Variants in RNF213 observed in about 807,000 individuals in gnomAD.
The protein encoded by RNF213 is ring finger protein 213.
RNF213 carries 341 observed loss-of-function variants against 514.4 expected under a neutral mutation model. The ratio of observed to expected loss-of-function variants is 0.66; its 90% CI spans 0.61 to 0.73. RNF213 has a LOEUF of 0.73. Among genes scored for constraint, RNF213 ranks in the 30% least tolerant of loss-of-function variants. The pLI, the probability that RNF213 is intolerant of heterozygous loss-of-function variation, is 0.00. For synonymous variants in RNF213, 2,655 were observed against 2,658.2 expected, an observed-to-expected ratio of 1.00 and a Z score of 0.04; for missense variants, 5,767 against 6,615.6, an observed-to-expected ratio of 0.87 and a Z score of 4.45.
intron 11 of RNF213, among the ~76,000 whole-genome samples, chr17:80,299,534 G>GTTTATTTATTTATTTA (rs149502065): frequency 4.0e-5 from 6 of 149,976 alleles, no homozygotes; most frequent in African/African-American, 7.4e-5. Context: ...ACCAGAGAAA[G>GTTTATTTATTTATTTA]TTTATTTATT....
chr17:80,367,098 C>A (rs945006466), intron 42 of RNF213, among the ~76,000 whole-genome samples: 1 of 151,074 alleles, frequency 6.6e-6, no homozygotes, highest in Non-Finnish European at 1.5e-5. Flanking sequence ...TCAGTGGGTA[C>A]AGGAGTGATC....
chr17:80,302,737 G>A (rs1268074443), intron 11 of RNF213, among the ~76,000 whole-genome samples: 1 of 152,134 alleles, frequency 6.6e-6, no homozygotes, highest in African/African-American at 2.4e-5. Context: ...GGGTGTACCT[G>A]CAGTCCCAGC....
chr17:80,286,290 G>A (rs2044469735), intron 3 of RNF213, among the ~76,000 whole-genome samples: 1 of 151,890 alleles, frequency 6.6e-6, no homozygotes, highest in African/African-American at 2.4e-5. Context: ...GGGTCGGGGG[G>A]TGGGGGCGCC....
At chr17:80,312,752 C>G (rs1325251069) in intron 14 of RNF213, among the ~76,000 whole-genome samples, 1 of 152,170 alleles carries the variant, frequency 6.6e-6, no homozygotes, top group Non-Finnish European at 1.5e-5. Flanking sequence ...GCTGCCTGGG[C>G]TTTCGGGGGA....
intron 15 of RNF213, 75 bp downstream of exon 15, chr17:80,313,242 A>T: frequency 6.3e-7 from 1 of 1,587,690 alleles, no homozygotes; most frequent in Non-Finnish European, 8.6e-7. Context: ...ATCATGGGGT[A>T]CAGGCTGCTG....
Position 80,383,894 on chromosome 17 carries a change from A to G in RNF213, c.14288A>G (p.Glu4763Gly). The part of the protein sequence containing the change: ...QHIVEQKNGK[E>G]RVPILWHFLQ... The stretch of plus-strand genomic sequence containing the variant: ...ATTGTGGAACAGAAAAATGGCAAAG[A>G]AAGAGTGCCCATCCTCTGGCATTTC... The change falls in exon 59 of 68, where the codon GAA becomes GGA. Residue 4763 changes from glutamate (E) to glycine (G), a missense_variant. By Grantham distance (98) the Glu-to-Gly change is moderately conservative (BLOSUM62 -2). Coordinates refer to ENST00000582970, the MANE Select transcript of RNF213 (RefSeq NM_001256071.3). The G allele has an allele frequency of 6.2e-7, 1 of 1,614,196 alleles. No individual in the cohort carries two copies. Among genetic ancestry groups the G allele is most frequent in the Non-Finnish European group, 8.5e-7 (1 of 1,180,036 alleles).
chr17:80,377,669 C>A lies in RNF213; in HGVS notation c.13511-93C>A. 1 of 1,394,962 alleles carries A rather than the reference C, an allele frequency of 7.2e-7. No individual in the cohort carries two copies. Among genetic ancestry groups the A allele is most frequent in the South Asian group, 1.2e-5 (1 of 86,504 alleles). The allele number at this position is 1,394,962 out of a possible 1,614,324, so 86.4% of individuals were successfully genotyped here. A position where few individuals can be genotyped will look rare whatever the true frequency, so the allele number is the denominator to read the frequency against. On this transcript the variant is annotated intron_variant, in intron 53 of 67. Coordinates refer to ENST00000582970, the MANE Select transcript of RNF213 (RefSeq NM_001256071.3). The surrounding 1 kb of genome is among the most constrained non-coding windows in gnomAD (Gnocchi z 4.1). ...TGGACAGTCATTCTCATATTGTGGT[C>A]AGGGCCAGAGAGTAGAGAGTTAGCT...
chr17:80,269,405 ATCTATCCATCCATCCATCCATTCATCTAT>A (rs1025763805), intron 2 of RNF213, among the ~76,000 whole-genome samples: 6 of 146,136 alleles, frequency 4.1e-5, no homozygotes, highest in African/African-American at 1.5e-4. Flanking sequence ...CTGTCCTATC[ATCTATCCATCCATCCATCCATTCATCTAT>A]TCTATCTATC....
chr17:80,270,053 G>T (rs2043766811), intron 2 of RNF213, among the ~76,000 whole-genome samples: 1 of 152,218 alleles, frequency 6.6e-6, no homozygotes, highest in Non-Finnish European at 1.5e-5. Context: ...ATTCCCCAGA[G>T]CAACACTGTA....
chr17:80,345,483 T>TC lies in RNF213; in HGVS notation c.7153dup (p.Gln2385ProfsTer10). 6.2e-7 allele frequency: 1 copy of TC among 1,609,732 alleles called. No homozygotes were observed. Among genetic ancestry groups the TC allele is most frequent in the Non-Finnish European group, 8.5e-7 (1 of 1,176,980 alleles). On this transcript the variant is annotated frameshift_variant, in exon 29 of 68. Coordinates refer to ENST00000582970, the MANE Select transcript of RNF213 (RefSeq NM_001256071.3). LOFTEE classifies it high-confidence loss of function. This position sits in a 1 kb window ranked among gnomAD's most constrained non-coding sequence, Gnocchi z 6.0. The stretch of plus-strand genomic sequence containing the variant: ...GAGAGGCTCTGCCTGACCTTAGGGA[T>TC]CCCCCAGGCCACCGACCCCGACAAA...
In RNF213 at chr17:80,346,955, G is replaced by GC. The variant is rs757643496; in HGVS notation, c.8626dup (p.His2876ProfsTer15). On this transcript the variant is annotated frameshift_variant, in exon 29 of 68. Transcript: ENST00000582970. LOFTEE classifies it high-confidence loss of function. The surrounding 1 kb of genome is among the most constrained non-coding windows in gnomAD (Gnocchi z 8.1). Reference sequence around the variant, plus strand: ...AGACGGATGCATTGAAGACGATCCCGCCCCCCACAAAAAGGTCGGCTTCGT... The same window carrying GC: ...AGACGGATGCATTGAAGACGATCCCGCCCCCCCACAAAAAGGTCGGCTTCGT... 7 of 1,613,612 alleles carry GC rather than the reference G, an allele frequency of 4.3e-6. No homozygotes were observed. The highest frequency in any genetic ancestry group is 5.9e-6 in the Non-Finnish European group (7 of 1,179,840).
chr17:80,322,204 A>G (rs531618314), intron 17 of RNF213, among the ~76,000 whole-genome samples: 1 of 110,158 alleles, frequency 9.1e-6, no homozygotes, highest in South Asian at 3.2e-4. Context: ...TTTGTCACCC[A>G]GGCTGGAATA....
intron 1 of RNF213, among the ~76,000 whole-genome samples, chr17:80,262,011 CA>C (rs1208526353): frequency 6.6e-6 from 1 of 151,972 alleles, no homozygotes; most frequent in Non-Finnish European, 1.5e-5. Flanking sequence ...GTCAAACAAA[CA>C]AAAAATGCTT....
At position 80,386,437 on chromosome 17, in the gene RNF213, G is replaced by A. The variant is rs776526010; in HGVS notation, c.14720+7G>A. On this transcript the variant is annotated splice_region_variant and intron_variant, in intron 62 of 67. Transcript: ENST00000582970. ...TCTCCAAGGAAAACAACAGGTTTGT[G>A]CACGAGCCACCAGGAAGTGGTGCCT... The A allele has an allele frequency of 6.2e-7, 1 of 1,614,008 alleles. No individual in the cohort carries two copies. The highest frequency in any genetic ancestry group is 8.5e-7 in the Non-Finnish European group (1 of 1,180,010).
intron 59 of RNF213, among the ~76,000 whole-genome samples, chr17:80,384,151 T>G (rs993188395): frequency 6.6e-6 from 1 of 152,130 alleles, no homozygotes; most frequent in African/African-American, 2.4e-5. Flanking sequence ...CACACCCACG[T>G]TGGGATTAGC....
intron 46 of RNF213, 54 bp downstream of exon 46, chr17:80,369,921 C>T (rs924318545): frequency 1.1e-5 from 14 of 1,253,478 alleles, no homozygotes; most frequent in East Asian, 6.9e-5. Flanking sequence ...TTCTCTTCAT[C>T]GCAGCGTTTT....
rs768111978 is a variant in RNF213 at position 80,343,957 on chromosome 17, A to G, written c.6284A>G (p.Tyr2095Cys). The change falls in exon 28 of 68, where the codon TAT (tyrosine) becomes TGT (cysteine). Residue 2095 changes from tyrosine to cysteine, a missense_variant. By Grantham distance (194) the Tyr-to-Cys change is radical. Transcript: ENST00000582970. This position sits in a 1 kb window ranked among gnomAD's most constrained non-coding sequence, Gnocchi z 4.3. Reference protein sequence around the residue: ...KMWLRNPCHLYIVEILERRTS... With the variant: ...KMWLRNPCHLCIVEILERRTS... ...TGGCTTCGGAACCCCTGCCATTTGT[A>G]TATCGTTGAAATCCTGGAAAGGAGG... 10 of 1,614,178 alleles carry G rather than the reference A, an allele frequency of 6.2e-6. No individual in the cohort carries two copies. Among genetic ancestry groups the G allele is most frequent in the African/African-American group, 1.3e-5 (1 of 75,042 alleles).
chr17:80,376,967 A>G lies in RNF213; in HGVS notation c.13510+4A>G, dbSNP rs139279361. ...CTGGAGCGAGTCCACTGGTACAGTA[A>G]GTGTTGGGGTCTAGATGACCCCACA... On this transcript the variant is annotated splice_donor_region_variant and intron_variant, in intron 53 of 67. Transcript: ENST00000582970. 9,444 of 1,611,414 alleles carry G rather than the reference A, an allele frequency of 5.9e-3. 41 individuals carry two copies. Among genetic ancestry groups the G allele is most frequent in the Non-Finnish European group, 6.7e-3 (7,906 of 1,177,764 alleles).
intron 21 of RNF213, among the ~76,000 whole-genome samples, chr17:80,333,551 G>T (rs562856972): frequency 2.6e-5 from 4 of 151,580 alleles, no homozygotes; most frequent in Non-Finnish European, 5.9e-5. Flanking sequence ...AAAATTAGCC[G>T]GGTGTGGTGT....
Sources: gnomAD v4.1 joint callset for allele counts (sites outside exome capture counted in the v4.1 genomes callset) on GRCh38, gnomAD v4.1.1 for gene constraint, Gnocchi (gnomAD v3.1) non-coding constraint, MANE v1.5 for transcripts, NCBI Gene and HGNC (gene_info 2026-07-23, HGNC 2026-07-21) for gene names.